The following ARK2N variants were observed in gnomAD, a reference collection of about 807,000 sequenced individuals.
The protein encoded by ARK2N is arkadia (RNF111) N-terminal like PKA signaling regulator 2N.
At chr18:46,235,445 G>A in the ARK2N span, among the ~76,000 whole-genome samples, 1 of 152,184 alleles carries the variant, frequency 6.6e-6, no homozygotes, top group Non-Finnish European at 1.5e-5. Context: ...AATAGGGCAG[G>A]TGCTAAGTAT....
At chr18:46,246,720 A>C in the ARK2N span, among the ~76,000 whole-genome samples, 1 of 152,100 alleles carries the variant, frequency 6.6e-6, no homozygotes, top group Non-Finnish European at 1.5e-5. Flanking sequence ...AGGCGGGTAG[A>C]TTACCTGAGG....
At chr18:46,212,882 A>G in the ARK2N span, among the ~76,000 whole-genome samples, 2 of 151,748 alleles carry the variant, frequency 1.3e-5, no homozygotes, top group African/African-American at 4.8e-5. Context: ...CTTTGAAAAT[A>G]TCCAGTGCTG....
At chr18:46,212,022 C>T in the ARK2N span, among the ~76,000 whole-genome samples, 1 of 152,150 alleles carries the variant, frequency 6.6e-6, no homozygotes, top group Non-Finnish European at 1.5e-5. Context: ...TCATTTCCCC[C>T]TGTGGTTAGG....
the ARK2N span, among the ~76,000 whole-genome samples, chr18:46,258,245 C>CA: frequency 3.9e-4 from 59 of 151,634 alleles, no homozygotes; most frequent in East Asian, 7.4e-3. Flanking sequence ...ATATTAACTC[C>CA]AAAAAAAACT....
At chr18:46,264,498 G>C in the ARK2N span, 1 of 152,442 alleles carries the variant, frequency 6.6e-6, no homozygotes, top group African/African-American at 2.4e-5. Flanking sequence ...ATGGCCCTTT[G>C]CCTGTCTCTC....
chr18:46,229,325 A>T, the ARK2N span, among the ~76,000 whole-genome samples: 1 of 152,152 alleles, frequency 6.6e-6, no homozygotes, highest in African/African-American at 2.4e-5. Context: ...TATTACAGAC[A>T]TTTAAAAAAG....
chr18:46,196,512 C>T, the ARK2N span, among the ~76,000 whole-genome samples: 770 of 152,254 alleles, frequency 5.1e-3, 10 homozygotes, highest in African/African-American at 0.017. Flanking sequence ...CCACCCGCCT[C>T]GGCCTCCCAA....
the ARK2N span, among the ~76,000 whole-genome samples, chr18:46,204,965 A>G: frequency 1.4e-5 from 2 of 144,746 alleles, no homozygotes; most frequent in African/African-American, 5.2e-5. Context: ...TTATTTTGAG[A>G]CAGAGTCTTG....
chr18:46,216,530 C>T, the ARK2N span: 5 of 1,614,130 alleles, frequency 3.1e-6, no homozygotes, highest in Middle Eastern at 1.6e-4. This position sits in a 1 kb window ranked among gnomAD's most constrained non-coding sequence, Gnocchi z 4.3. Flanking sequence ...GACTCAAGCA[C>T]GAGCTCATCA....
At chr18:46,233,953 C>T in the ARK2N span, among the ~76,000 whole-genome samples, 2 of 151,972 alleles carry the variant, frequency 1.3e-5, no homozygotes, top group Non-Finnish European at 2.9e-5. Context: ...AAATAATTTT[C>T]TGATGTTATT....
the ARK2N span, among the ~76,000 whole-genome samples, chr18:46,202,941 C>T: frequency 0.029 from 4,330 of 151,926 alleles, 190 homozygotes; most frequent in African/African-American, 0.098. Flanking sequence ...GTTTTACTTC[C>T]ACCAGAATGA....
chr18:46,208,081 T>C, the ARK2N span, among the ~76,000 whole-genome samples: 1 of 152,206 alleles, frequency 6.6e-6, no homozygotes. Context: ...GAAAAACATA[T>C]ACCTATATAC....
At chr18:46,263,022 A>C in the ARK2N span, 1 of 1,614,194 alleles carries the variant, frequency 6.2e-7, no homozygotes, top group Non-Finnish European at 8.5e-7. Context: ...AAACACAGTC[A>C]TGGACTGCTG....
the ARK2N span, among the ~76,000 whole-genome samples, chr18:46,241,623 A>G: frequency 6.6e-6 from 1 of 151,724 alleles, no homozygotes; most frequent in African/African-American, 2.4e-5. Flanking sequence ...GGCGCCTGTA[A>G]TCTCAGCTGT....
the ARK2N span, among the ~76,000 whole-genome samples, chr18:46,220,240 C>T: frequency 6.6e-6 from 1 of 152,148 alleles, no homozygotes; most frequent in East Asian, 1.9e-4. Flanking sequence ...GTCATTGAGG[C>T]TACTGAGGAC....
the ARK2N span, chr18:46,262,837 A>G: frequency 1.2e-5 from 16 of 1,311,962 alleles, no homozygotes; most frequent in Admixed American, 9.3e-5. Flanking sequence ...TTATCTTAGT[A>G]AAAATGTTGA....
the ARK2N span, among the ~76,000 whole-genome samples, chr18:46,208,464 C>CTTT: frequency 2.4e-3 from 166 of 68,370 alleles, no homozygotes; most frequent in African/African-American, 3.1e-3. Flanking sequence ...GTTCTTAAAT[C>CTTT]TTTTTTTTTT....
chr18:46,204,873 A>G, the ARK2N span, among the ~76,000 whole-genome samples: 1 of 151,378 alleles, frequency 6.6e-6, no homozygotes, highest in Non-Finnish European at 1.5e-5. Flanking sequence ...AGGAAGGACG[A>G]TACAGTTTTA....
chr18:46,204,679 T>C, the ARK2N span, among the ~76,000 whole-genome samples: 1 of 152,208 alleles, frequency 6.6e-6, no homozygotes, highest in South Asian at 2.1e-4. Context: ...GATGCAAGAA[T>C]GCTAGCAGTT....
Sources: allele counts gnomAD v4.1 joint callset (sites outside exome capture counted in the v4.1 genomes callset), GRCh38; gene constraint gnomAD v4.1.1; non-coding constraint Gnocchi (gnomAD v3.1); transcripts MANE v1.5; gene names NCBI Gene and HGNC (gene_info 2026-07-23, HGNC 2026-07-21).